MEIKIN: variants seen among roughly 807,000 people sequenced by gnomAD.
MEIKIN encodes meiotic kinetochore factor.
At chr5:131,922,955 G>C (rs1479627189) in intron 5 of MEIKIN, among the ~76,000 whole-genome samples, 1 of 152,122 alleles carries the variant, frequency 6.6e-6, no homozygotes, top group Non-Finnish European at 1.5e-5. Context: ...GCAGTGGTGT[G>C]ATCTTGGCTC....
intron 11 of MEIKIN, among the ~76,000 whole-genome samples, chr5:131,846,548 A>C (rs1393962304): frequency 2.0e-5 from 3 of 152,216 alleles, no homozygotes; most frequent in African/African-American, 7.2e-5. Context: ...GTTTAAAAGT[A>C]TTATTGACTG....
chr5:131,884,849 A>G (rs1169296367), intron 8 of MEIKIN, among the ~76,000 whole-genome samples: 2 of 152,148 alleles, frequency 1.3e-5, no homozygotes, highest in Non-Finnish European at 2.9e-5. Flanking sequence ...AGCTGACTGA[A>G]GAGCCCTTGG....
intron 8 of MEIKIN, among the ~76,000 whole-genome samples, chr5:131,906,429 A>G (rs898158744): frequency 6.6e-6 from 1 of 152,212 alleles, no homozygotes; most frequent in Non-Finnish European, 1.5e-5. Context: ...AGTGTAAATT[A>G]TTTCAACCAT....
At chr5:131,871,743 C>A (rs537531241) in intron 9 of MEIKIN, among the ~76,000 whole-genome samples, 2 of 152,150 alleles carry the variant, frequency 1.3e-5, no homozygotes, top group African/African-American at 2.4e-5. Flanking sequence ...CTGGGAGGCA[C>A]CCCCCAGTAG....
At chr5:131,863,289 G>T (rs1178087657) in intron 9 of MEIKIN, among the ~76,000 whole-genome samples, 3 of 152,140 alleles carry the variant, frequency 2.0e-5, no homozygotes, top group Non-Finnish European at 4.4e-5. Flanking sequence ...AAAAGGTTCT[G>T]TATATGTCTG....
intron 8 of MEIKIN, among the ~76,000 whole-genome samples, chr5:131,893,148 G>T (rs1750963527): frequency 6.6e-6 from 1 of 150,570 alleles, no homozygotes; most frequent in Admixed American, 6.6e-5. Context: ...GTCTGCAGAG[G>T]TTACTGCTGC....
intron 9 of MEIKIN, among the ~76,000 whole-genome samples, chr5:131,874,310 G>C (rs928842208): frequency 2.0e-5 from 3 of 151,876 alleles, no homozygotes; most frequent in African/African-American, 4.8e-5. Flanking sequence ...ATGATAAAGG[G>C]GATATCACCA....
Position 131,849,154 on chromosome 5 carries a change from G to A in MEIKIN, c.975+2110C>T, listed in dbSNP as rs114579271. Among the ~76,000 whole-genome samples the A allele has an allele frequency of 4.7e-3, 708 of 152,222 alleles. 8 individuals are homozygous for A. Among genetic ancestry groups the A allele is most frequent in the African/African-American group, 0.016 (672 of 41,530 alleles). On this transcript the variant is annotated intron_variant, in intron 11 of 12. Transcript: ENST00000442687. ...CCCAATGTTGGAGGTGGGCCCTGGT[G>A]GGAGGTGACTGGATCATGGGAGTGG...
At chr5:131,871,779 G>A (rs1373642012) in intron 9 of MEIKIN, among the ~76,000 whole-genome samples, 4 of 152,128 alleles carry the variant, frequency 2.6e-5, no homozygotes, top group Non-Finnish European at 4.4e-5. Flanking sequence ...TCACACAGCC[G>A]GGTACTCCTC....
At chr5:131,861,393 A>G (rs560706677) in intron 9 of MEIKIN, among the ~76,000 whole-genome samples, 108 of 152,216 alleles carry the variant, frequency 7.1e-4, no homozygotes, top group Middle Eastern at 3.4e-3. Context: ...GTCTTCAAAA[A>G]AAAAAGAATA....
intron 11 of MEIKIN, among the ~76,000 whole-genome samples, chr5:131,836,929 T>C (rs1749819235): frequency 6.6e-6 from 1 of 152,204 alleles, no homozygotes; most frequent in Non-Finnish European, 1.5e-5. Flanking sequence ...TTTGCTTTCA[T>C]TGCAATCACT....
chr5:131,815,487 T>C (rs1193125667), intron 12 of MEIKIN, among the ~76,000 whole-genome samples: 2 of 152,258 alleles, frequency 1.3e-5, no homozygotes, highest in Admixed American at 6.5e-5. Flanking sequence ...CATAATTTTA[T>C]GCCCCACTGG....
At chr5:131,815,335 G>C (rs1356673015) in intron 12 of MEIKIN, among the ~76,000 whole-genome samples, 1 of 152,144 alleles carries the variant, frequency 6.6e-6, no homozygotes, top group Non-Finnish European at 1.5e-5. Context: ...TCTCCAGAGG[G>C]CTATATATAT....
intron 12 of MEIKIN, among the ~76,000 whole-genome samples, chr5:131,808,720 T>C (rs552967381): frequency 6.6e-6 from 1 of 152,320 alleles, no homozygotes; most frequent in Non-Finnish European, 1.5e-5. Context: ...GGCCTTTTTG[T>C]TTCTAGGGTC....
chr5:131,901,590 T>C (rs1336245924), intron 8 of MEIKIN, among the ~76,000 whole-genome samples: 4 of 152,168 alleles, frequency 2.6e-5, no homozygotes, highest in Non-Finnish European at 5.9e-5. Context: ...GCACCACTCA[T>C]CAGAGTGCTG....
intron 4 of MEIKIN, among the ~76,000 whole-genome samples, chr5:131,938,886 C>G (rs955679723): frequency 9.2e-5 from 14 of 152,126 alleles, no homozygotes; most frequent in African/African-American, 3.1e-4. Flanking sequence ...GGCATAATAA[C>G]TTGGGCTTAG....
intron 7 of MEIKIN, among the ~76,000 whole-genome samples, chr5:131,913,510 T>C (rs753298658): frequency 6.6e-6 from 1 of 152,224 alleles, no homozygotes; most frequent in Non-Finnish European, 1.5e-5. Flanking sequence ...CTTTCTTGTG[T>C]TGAGGTGAGG....
At chr5:131,867,511 C>T (rs1005140111) in intron 9 of MEIKIN, among the ~76,000 whole-genome samples, 1 of 152,178 alleles carries the variant, frequency 6.6e-6, no homozygotes, top group Non-Finnish European at 1.5e-5. Context: ...CTTAAAATTC[C>T]TCTGTAATCT....
At chr5:131,835,190 GTGTGTGTGTATATATA>G (rs1306448421) in intron 11 of MEIKIN, among the ~76,000 whole-genome samples, 2 of 123,866 alleles carry the variant, frequency 1.6e-5, no homozygotes, top group African/African-American at 4.8e-5. Context: ...GTATATATAT[GTGTGTGTGTATATATA>G]TGTGTGTATA....
Sources: allele counts gnomAD v4.1 joint callset (sites outside exome capture counted in the v4.1 genomes callset), GRCh38; gene constraint gnomAD v4.1.1; transcripts MANE v1.5; gene names NCBI Gene and HGNC (gene_info 2026-07-23, HGNC 2026-07-21).